The following SFMBT2 variants were observed in gnomAD, a reference collection of about 807,000 sequenced individuals.
SFMBT2 encodes the protein Scm like with four mbt domains 2.
SFMBT2 carries 38 observed loss-of-function variants against 110.1 expected under a neutral mutation model. The observed-to-expected ratio is 0.35, with a 90% CI of 0.27 to 0.45. The LOEUF is 0.45. Ranked by LOEUF, SFMBT2 falls within the 20% of genes least tolerant of loss-of-function variation. The pLI is 1.00. For missense variants in SFMBT2, 1,011 were observed against 1,094.9 expected (o/e 0.92, Z 1.08); for synonymous variants, 425 against 425.4 (o/e 1.00, Z 0.01).
At chr10:7,226,684 A>T (rs1465185125) in intron 10 of SFMBT2, among the ~76,000 whole-genome samples, 1 of 152,242 alleles carries the variant, frequency 6.6e-6, no homozygotes, top group Non-Finnish European at 1.5e-5. Flanking sequence ...CTCTACTCAC[A>T]GTTCCTAGGA....
intron 4 of SFMBT2, among the ~76,000 whole-genome samples, chr10:7,351,124 C>T (rs893693860): frequency 2.0e-5 from 3 of 152,206 alleles, no homozygotes; most frequent in Admixed American, 2.0e-4. Flanking sequence ...ATGTGCTGGG[C>T]TTCAAAATCA....
At chr10:7,335,028 G>T (rs1281979402) in intron 4 of SFMBT2, among the ~76,000 whole-genome samples, 3 of 152,176 alleles carry the variant, frequency 2.0e-5, no homozygotes, top group African/African-American at 4.8e-5. Context: ...GAAGCCGGAG[G>T]GGGGAAAAGG....
chr10:7,185,970 C>T (rs1281618254), intron 16 of SFMBT2, among the ~76,000 whole-genome samples: 1 of 151,992 alleles, frequency 6.6e-6, no homozygotes, highest in African/African-American at 2.4e-5. Context: ...CATGAGAAGC[C>T]ATTTTTTTTC....
rs1314788294 is a variant in SFMBT2, at chr10:7,228,089, A to G, written c.1121-152T>C. ...CAGATTTCATAAGCTCAGATGAAAT[A>G]TTTTGGAAAAATTAAAGTACTAAAC... On this transcript the variant is annotated intron_variant, in intron 9 of 20. Transcript: ENST00000397167. 8.4e-6 allele frequency: 5 copies of G among 598,080 alleles called. No individual in the cohort carries two copies. In the South Asian group the frequency reaches 1.0e-4, roughly 12 times the overall value. 37.0% of individuals were successfully genotyped at this position (598,080 alleles called of 1,614,324 possible).
At chr10:7,410,834 G>A (rs1846357923) in intron 1 of SFMBT2, among the ~76,000 whole-genome samples, 27 bp downstream of exon 1, 1 of 151,494 alleles carries the variant, frequency 6.6e-6, no homozygotes, top group African/African-American at 2.4e-5. Flanking sequence ...CTGGGCGCCG[G>A]GGACAGCAGC....
intron 16 of SFMBT2, among the ~76,000 whole-genome samples, chr10:7,180,785 A>G (rs1284745529): frequency 1.3e-5 from 2 of 152,118 alleles, no homozygotes; most frequent in East Asian, 1.9e-4. Context: ...GAGGGTGAGG[A>G]TACTGGAGAG....
intron 7 of SFMBT2, among the ~76,000 whole-genome samples, chr10:7,271,291 CAAA>C (rs56364927): frequency 8.1e-4 from 79 of 97,548 alleles, no homozygotes; most frequent in South Asian, 2.2e-3. Context: ...AGATTGCCTC[CAAA>C]AAAAAAAAAA....
chr10:7,213,364 G>A (rs1839417638), intron 11 of SFMBT2, among the ~76,000 whole-genome samples: 1 of 152,164 alleles, frequency 6.6e-6, no homozygotes, highest in Non-Finnish European at 1.5e-5. Flanking sequence ...CAGCAGGTAG[G>A]AGGCGGCTGA....
In SFMBT2 at chr10:7,367,788, C is replaced by A. The variant is rs143390162; in HGVS notation, c.297G>T (p.Thr99=). ...DTYWVATIIT[T]CGQLLLLRYC... is the part of the protein sequence containing the mutation. The stretch of plus-strand genomic sequence containing the variant: ...AGCGCAGAAGCAGCAGCTGCCCGCA[C>A]GTGGTAATGATCGTGGCCACCCAGT... Residue 99 remains threonine (T), a synonymous_variant, in exon 4 of 21, where the codon ACG becomes ACT. Coordinates refer to ENST00000397167, the MANE Select transcript of SFMBT2 (RefSeq NM_001387889.1). The surrounding 1 kb of genome is among the most constrained non-coding windows in gnomAD (Gnocchi z 6.2). 1 of 1,614,174 alleles carries A rather than the reference C, an allele frequency of 6.2e-7. No homozygotes were observed. Among genetic ancestry groups the A allele is most frequent in the Non-Finnish European group, 8.5e-7 (1 of 1,180,042 alleles).
At chr10:7,165,351 C>T (rs868162470) in intron 20 of SFMBT2, among the ~76,000 whole-genome samples, 6 of 152,318 alleles carry the variant, frequency 3.9e-5, no homozygotes, top group Admixed American at 6.5e-5. Flanking sequence ...CTTAAACTAA[C>T]GGTTTATTTA....
intron 7 of SFMBT2, chr10:7,249,416 T>C: frequency 3.1e-6 from 2 of 645,940 alleles, no homozygotes; most frequent in Non-Finnish European, 3.8e-6. Context: ...TACCAGAATT[T>C]ATCTTGCGGA....
chr10:7,376,513 C>T (rs1398231644), intron 2 of SFMBT2, among the ~76,000 whole-genome samples: 1 of 151,498 alleles, frequency 6.6e-6, no homozygotes, highest in Non-Finnish European at 1.5e-5. Context: ...TCCTGGCTGA[C>T]ATGGTGAAAC....
At chr10:7,318,980 T>A (rs1451501980) in intron 4 of SFMBT2, among the ~76,000 whole-genome samples, 2 of 152,128 alleles carry the variant, frequency 1.3e-5, no homozygotes, top group African/African-American at 4.8e-5. Flanking sequence ...ATAAACCAAC[T>A]TGGCATCTCT....
intron 2 of SFMBT2, among the ~76,000 whole-genome samples, chr10:7,375,475 G>A (rs1320779232): frequency 6.6e-6 from 1 of 151,264 alleles, no homozygotes; most frequent in African/African-American, 2.5e-5. Flanking sequence ...TTTTTAATGT[G>A]GAAAGAGACA....
At chr10:7,304,865 C>G (rs561159663) in intron 4 of SFMBT2, among the ~76,000 whole-genome samples, 1 of 152,330 alleles carries the variant, frequency 6.6e-6, no homozygotes, top group South Asian at 2.1e-4. Flanking sequence ...CTAAAGGAGA[C>G]AGCTCTCCAT....
At chr10:7,303,001 G>A (rs1842594233) in intron 4 of SFMBT2, among the ~76,000 whole-genome samples, 1 of 108,370 alleles carries the variant, frequency 9.2e-6, no homozygotes, top group African/African-American at 3.4e-5. Context: ...TTGCAAAAGG[G>A]TTACAATGTT....
intron 11 of SFMBT2, chr10:7,215,847 C>T (rs1018529653): frequency 2.5e-5 from 11 of 441,390 alleles, no homozygotes; most frequent in Admixed American, 1.3e-4. Flanking sequence ...ACTCGCTAGG[C>T]GGTATAGACC....
intron 20 of SFMBT2, among the ~76,000 whole-genome samples, chr10:7,167,029 TATG>T (rs1837714218): frequency 6.6e-6 from 1 of 152,170 alleles, no homozygotes; most frequent in Non-Finnish European, 1.5e-5. Context: ...AGAAATGAAA[TATG>T]ATAAGATATA....
intron 11 of SFMBT2, among the ~76,000 whole-genome samples, chr10:7,210,727 C>T (rs750419219): frequency 3.9e-5 from 6 of 152,232 alleles, no homozygotes; most frequent in Non-Finnish European, 5.9e-5. Flanking sequence ...GCCCTCTGGG[C>T]GTGTTCCCTT....
Sources: gnomAD v4.1 joint callset for allele counts (sites outside exome capture counted in the v4.1 genomes callset) on GRCh38, gnomAD v4.1.1 for gene constraint, Gnocchi (gnomAD v3.1) non-coding constraint, MANE v1.5 for transcripts, NCBI Gene and HGNC (gene_info 2026-07-23, HGNC 2026-07-21) for gene names.